PRELID2: variants seen among roughly 807,000 people sequenced by gnomAD.
The protein encoded by PRELID2 is PRELI domain-containing protein 2.
PRELID2 carries 25 observed loss-of-function variants against 28.4 expected under a neutral mutation model. The observed-to-expected ratio is 0.88, with a 90% CI of 0.64 to 1.23. The LOEUF (loss-of-function observed/expected upper bound fraction) is 1.23, where lower values mean the gene tolerates loss of function less well. Among genes scored for constraint, PRELID2 ranks in the 50% most tolerant of loss-of-function variants. The probability of loss-of-function intolerance (pLI) is 0.00; values close to 1 mark genes in which losing one functional copy is unlikely to be tolerated. For synonymous variants in PRELID2, 76 were observed against 71.6 expected, an observed-to-expected ratio of 1.06 and a Z score of -0.31; for missense variants, 201 against 214.4, an observed-to-expected ratio of 0.94 and a Z score of 0.39.
chr5:145,705,454 G>A (rs375810921), intron 1 of PRELID2, among the ~76,000 whole-genome samples: 29 of 151,976 alleles, frequency 1.9e-4, no homozygotes, highest in Non-Finnish European at 2.8e-4. Context: ...TGCCCGCCTC[G>A]CCTCCAAAAG....
At chr5:145,493,424 C>G (rs1752284680) in intron 1 of PRELID2, among the ~76,000 whole-genome samples, 1 of 152,182 alleles carries the variant, frequency 6.6e-6, no homozygotes, top group Non-Finnish European at 1.5e-5. Context: ...TTTCAGGTTT[C>G]CCTGCAACCT....
In PRELID2 at chr5:145,492,568, A is replaced by T. The variant is rs1752278564; in HGVS notation, n.71-19253T>A. Among the ~76,000 whole-genome samples, 2 of 141,288 alleles carry T rather than the reference A, an allele frequency of 1.4e-5. 1 individual carries two copies. The highest frequency in any genetic ancestry group is 1.4e-4 in the Admixed American group (2 of 14,054). The allele number at this position is 141,288 out of a possible 152,430, so 92.7% of individuals were successfully genotyped here. On this transcript the variant is annotated intron_variant and non_coding_transcript_variant, in intron 1 of 2. Transcript: ENST00000510259. ...TTTGTTTTTATTACTTGTGCTTTTG[A>T]GGTTATATCCAAAAATTCATTGCCT...
the PRELID2 span, among the ~76,000 whole-genome samples, chr5:145,269,911 CAT>C: frequency 6.7e-6 from 1 of 148,484 alleles, no homozygotes; most frequent in African/African-American, 2.5e-5. Context: ...TACATACATA[CAT>C]ATATATACTA....
the PRELID2 span, among the ~76,000 whole-genome samples, chr5:145,347,952 T>C: frequency 3.3e-5 from 5 of 152,096 alleles, no homozygotes; most frequent in African/African-American, 1.2e-4. Flanking sequence ...ATTCAAATGG[T>C]TCCCATGTTT....
At chr5:145,428,024 T>C in the PRELID2 span, among the ~76,000 whole-genome samples, 6 of 152,118 alleles carry the variant, frequency 3.9e-5, no homozygotes, top group Non-Finnish European at 5.9e-5. Flanking sequence ...AATGGTGCAA[T>C]CCCAGATCAC....
At chr5:145,612,216 C>G (rs968203393) in intron 1 of PRELID2, among the ~76,000 whole-genome samples, 1 of 151,896 alleles carries the variant, frequency 6.6e-6, no homozygotes, top group African/African-American at 2.4e-5. Flanking sequence ...TAAAACAAAA[C>G]AATACACAAT....
intron 4 of PRELID2, among the ~76,000 whole-genome samples, chr5:145,798,870 T>C (rs917670255): frequency 2.0e-5 from 3 of 151,988 alleles, no homozygotes; most frequent in Non-Finnish European, 2.9e-5. Flanking sequence ...CCAGGGCCTG[T>C]CAGTGGGTGG....
At chr5:145,724,686 T>TA (rs1756092560) in intron 1 of PRELID2, among the ~76,000 whole-genome samples, 2 of 133,126 alleles carry the variant, frequency 1.5e-5, no homozygotes, top group East Asian at 2.2e-4. Context: ...TTTAAAAGTA[T>TA]AAAAAATGAA....
the PRELID2 span, among the ~76,000 whole-genome samples, chr5:145,253,552 C>G: frequency 6.6e-6 from 1 of 152,022 alleles, no homozygotes; most frequent in African/African-American, 2.4e-5. Context: ...AAATACAAAA[C>G]TCTCATAAGA....
chr5:145,325,928 CA>C, the PRELID2 span, among the ~76,000 whole-genome samples: 5 of 152,178 alleles, frequency 3.3e-5, no homozygotes, highest in African/African-American at 7.2e-5. Context: ...CCTGTCATGA[CA>C]GAGAAACTGA....
chr5:145,755,859 C>A (rs144763097), downstream of PRELID2, among the ~76,000 whole-genome samples: 1 of 152,254 alleles, frequency 6.6e-6, no homozygotes, highest in African/African-American at 2.4e-5. Context: ...TACCTGGGCT[C>A]TAGCATTAAC....
chr5:145,741,458 A>C (rs1272770151), intron 1 of PRELID2, among the ~76,000 whole-genome samples: 2 of 53,842 alleles, frequency 3.7e-5, no homozygotes, highest in Non-Finnish European at 7.2e-5. Flanking sequence ...TAAATAATTT[A>C]TTTATATATA....
chr5:145,363,307 T>A, the PRELID2 span, among the ~76,000 whole-genome samples: 209 of 152,142 alleles, frequency 1.4e-3, no homozygotes, highest in African/African-American at 4.9e-3. Flanking sequence ...ATAAATGTAT[T>A]AGTATCCAAA....
rs1757363360 is a variant in PRELID2 at position 145,759,286 on chromosome 5, C to T, written c.*1250G>A. Reference sequence around the variant, plus strand: ...AAAGTACTGGGATTACAGGCATAAGCCACCACACCCTGCCCTGATTTTTAT... The same window carrying T: ...AAAGTACTGGGATTACAGGCATAAGTCACCACACCCTGCCCTGATTTTTAT... On this transcript the variant is annotated 3_prime_UTR_variant, in exon 7 of 7. Transcript: ENST00000683046. The T allele has an allele frequency of 6.6e-6, 1 of 152,104 alleles. No individual in the cohort carries two copies. The highest frequency in any genetic ancestry group is 6.5e-5 in the Admixed American group (1 of 15,268). The allele number at this position is 152,104 out of a possible 1,614,324, so 9.4% of individuals were successfully genotyped here. A position where few individuals can be genotyped will look rare whatever the true frequency, so the allele number is the denominator to read the frequency against.
intron 1 of PRELID2, among the ~76,000 whole-genome samples, chr5:145,498,132 AC>A (rs1752323944): frequency 6.6e-6 from 1 of 152,042 alleles, no homozygotes; most frequent in South Asian, 2.1e-4. Flanking sequence ...TTCTCATACC[AC>A]CCAGCTTCAT....
the PRELID2 span, among the ~76,000 whole-genome samples, chr5:145,464,643 T>G: frequency 1.3e-5 from 2 of 152,176 alleles, no homozygotes; most frequent in African/African-American, 4.8e-5. Flanking sequence ...GATATATGGA[T>G]GTATTTGGAC....
chr5:145,238,838 T>C, the PRELID2 span, among the ~76,000 whole-genome samples: 3 of 152,114 alleles, frequency 2.0e-5, no homozygotes, highest in Non-Finnish European at 4.4e-5. Context: ...ACTACTTTCC[T>C]TCAATAAAGA....
At chr5:145,471,012 C>T (rs554282172), downstream of PRELID2, among the ~76,000 whole-genome samples, 1 of 152,190 alleles carries the variant, frequency 6.6e-6, no homozygotes, top group East Asian at 1.9e-4. Flanking sequence ...CTTCTAGGGA[C>T]ACAATGACAA....
intron 1 of PRELID2, among the ~76,000 whole-genome samples, chr5:145,533,589 A>G (rs1348065171): frequency 1.3e-5 from 2 of 152,012 alleles, no homozygotes; most frequent in Non-Finnish European, 2.9e-5. Flanking sequence ...GTAACACACA[A>G]TTGTTAGTCC....
Sources: gnomAD v4.1 joint callset for allele counts (sites outside exome capture counted in the v4.1 genomes callset) on GRCh38, gnomAD v4.1.1 for gene constraint, MANE v1.5 for transcripts, NCBI Gene and HGNC (gene_info 2026-07-23, HGNC 2026-07-21) for gene names.